Variants in CSMD1 observed in about 807,000 individuals in gnomAD.
The protein encoded by CSMD1 is CUB and Sushi multiple domains 1.
A neutral mutation model predicts 417.5 loss-of-function variants in CSMD1; 213 were observed. That is an observed-to-expected ratio of 0.51 (90% CI 0.46 to 0.57). The LOEUF (loss-of-function observed/expected upper bound fraction) is 0.57, where lower values mean the gene tolerates loss of function less well. Ranked by LOEUF, CSMD1 falls within the 20% of genes least tolerant of loss-of-function variation. CSMD1 has a pLI of 0.00. For missense variants in CSMD1, 6,923 were observed against 4,529.7 expected (o/e 1.53, Z -15.17); for synonymous variants, 2,862 against 1,736.8 (o/e 1.65, Z -16.11).
Position 4,285,329 on chromosome 8 carries a change from T to C in CSMD1, c.415+134624A>G, listed in dbSNP as rs1585158648. Among the ~76,000 whole-genome samples, 6 of 152,206 alleles carry C rather than the reference T, an allele frequency of 3.9e-5. No homozygotes were observed. In the South Asian group the frequency reaches 1.2e-3, roughly 31 times the overall value. On this transcript the variant is annotated intron_variant, in intron 3 of 69. Transcript: ENST00000635120. ...TGAAGCCATGTGCAGTCCTTTACTT[T>C]ATATTTCATTTAGAACTCCCATCTG...
At chr8:4,445,405 T>C (rs1215420995) in intron 2 of CSMD1, among the ~76,000 whole-genome samples, 1 of 152,218 alleles carries the variant, frequency 6.6e-6, no homozygotes, top group African/African-American at 2.4e-5. Flanking sequence ...TTTTGGATTA[T>C]TCTAATACTA....
At chr8:4,309,851 C>A (rs1288111754) in intron 3 of CSMD1, among the ~76,000 whole-genome samples, 2 of 152,260 alleles carry the variant, frequency 1.3e-5, no homozygotes, top group Non-Finnish European at 2.9e-5. Flanking sequence ...TGAGTATTTT[C>A]TCTGCAGACA....
At chr8:3,285,161 G>A (rs1027043511) in intron 25 of CSMD1, among the ~76,000 whole-genome samples, 2 of 152,138 alleles carry the variant, frequency 1.3e-5, no homozygotes, top group African/African-American at 4.8e-5. Context: ...CCGATTACAA[G>A]GGAGGTAAAG....
chr8:4,000,765 T>G (rs919544056), intron 4 of CSMD1, among the ~76,000 whole-genome samples: 1 of 152,012 alleles, frequency 6.6e-6, no homozygotes, highest in Non-Finnish European at 1.5e-5. Flanking sequence ...TATTTAGATT[T>G]TATTCTTTTC....
At position 3,205,617 on chromosome 8, in the gene CSMD1, G is replaced by A. The variant is rs1273200499; in HGVS notation, c.4871C>T (p.Pro1624Leu). 1 of 1,510,750 alleles carries A rather than the reference G, an allele frequency of 6.6e-7. No individual in the cohort carries two copies. Among genetic ancestry groups the A allele is most frequent in the Non-Finnish European group, 9.0e-7 (1 of 1,106,164 alleles). The allele number at this position is 1,510,750 out of a possible 1,614,324, so 93.6% of individuals were successfully genotyped here. ...TGATCCCGTGTACTGGCCTCCACAG[G>A]GAGCTGAAAATAAAATCAACCGAGA... ...WDQVLPSCNA[P>L]CGGQYTGSEG... The change falls in exon 31 of 70, where the codon CCC becomes CTC. Residue 1624 changes from proline (P) to leucine (L), a missense_variant. Pro to Leu is a moderately conservative substitution (Grantham distance 98, BLOSUM62 -3). Coordinates refer to ENST00000635120, the MANE Select transcript of CSMD1 (RefSeq NM_033225.6).
intron 10 of CSMD1, among the ~76,000 whole-genome samples, chr8:3,554,106 T>A (rs771816199): frequency 1.3e-5 from 2 of 152,236 alleles, no homozygotes; most frequent in Admixed American, 1.3e-4. Context: ...ATGACTGTAT[T>A]TAATGCATGT....
At chr8:4,074,976 A>G (rs1340421320) in intron 3 of CSMD1, among the ~76,000 whole-genome samples, 1 of 152,266 alleles carries the variant, frequency 6.6e-6, no homozygotes, top group Non-Finnish European at 1.5e-5. Context: ...TGCCTTCCCT[A>G]ATGGGATATG....
rs80218887 is a variant in CSMD1 at position 3,769,055 on chromosome 8, A to G, written c.819-15013T>C. On this transcript the variant is annotated intron_variant, in intron 5 of 69. Coordinates refer to ENST00000635120, the MANE Select transcript of CSMD1 (RefSeq NM_033225.6). ...TTTGGACAGGCAGGTGTGTTTGGTT[A>G]GAAAGTCAGTCAGGAAAAGTCAGAG... Among the ~76,000 whole-genome samples, 135 of 152,366 alleles carry G rather than the reference A, an allele frequency of 8.9e-4. 2 individuals carry two copies. The East Asian group carries it at 0.024, about 27-fold the overall frequency.
chr8:4,384,473 C>A (rs926322629), intron 3 of CSMD1, among the ~76,000 whole-genome samples: 1 of 152,184 alleles, frequency 6.6e-6, no homozygotes, highest in Admixed American at 6.5e-5. Context: ...CTTCTTCTAT[C>A]TACTATCTAT....
rs551605945 is a variant in CSMD1, at chr8:4,519,669, G to A, written c.303-99604C>T. Among the ~76,000 whole-genome samples, 6 of 138,410 alleles carry A rather than the reference G, an allele frequency of 4.3e-5. No homozygotes were observed. In the East Asian group the frequency reaches 1.4e-3, roughly 32 times the overall value. 90.8% of individuals were successfully genotyped at this position (138,410 alleles called of 152,430 possible). ...GAGGCAGGAGGATCACTTGAACCCA[G>A]GAGGCAGAGGTTACAGTGAGCTGCG... On this transcript the variant is annotated intron_variant, in intron 2 of 69. Transcript: ENST00000635120.
At chr8:4,209,008 G>A (rs1051632908) in intron 3 of CSMD1, among the ~76,000 whole-genome samples, 1 of 152,156 alleles carries the variant, frequency 6.6e-6, no homozygotes, top group Non-Finnish European at 1.5e-5. Flanking sequence ...CTTATGCCGT[G>A]AACCATAATG....
chr8:4,769,305 G>C (rs1003500505), intron 1 of CSMD1, among the ~76,000 whole-genome samples: 4 of 152,142 alleles, frequency 2.6e-5, no homozygotes, highest in African/African-American at 9.7e-5. Flanking sequence ...ATCTTTCTCA[G>C]TGTGATTAAT....
chr8:3,657,979 A>G lies in CSMD1; in HGVS notation c.1010-41182T>C, dbSNP rs181628238. ...TTGATTAATGGTAAATACATCAAAT[A>G]TATTCTATAAAGAGAAGTTTGGGAT... On this transcript the variant is annotated intron_variant, in intron 7 of 69. Transcript: ENST00000635120. Among the ~76,000 whole-genome samples the G allele has an allele frequency of 2.2e-3, 340 of 152,286 alleles. 3 individuals are homozygous for G. Among genetic ancestry groups the G allele is most frequent in the African/African-American group, 7.8e-3 (324 of 41,552 alleles).
intron 5 of CSMD1, among the ~76,000 whole-genome samples, chr8:3,979,769 G>T (rs986704546): frequency 6.6e-6 from 1 of 152,184 alleles, no homozygotes; most frequent in Admixed American, 6.5e-5. Flanking sequence ...AAATAAGTGT[G>T]TGTTATTTAA....
chr8:3,193,416 G>A (rs1473811686), intron 33 of CSMD1, among the ~76,000 whole-genome samples: 1 of 152,130 alleles, frequency 6.6e-6, no homozygotes, highest in African/African-American at 2.4e-5. Flanking sequence ...TAGGGAGGCA[G>A]GGAGAAGCTG....
intron 7 of CSMD1, among the ~76,000 whole-genome samples, chr8:3,692,724 C>A (rs1447446666): frequency 3.3e-5 from 5 of 152,248 alleles, no homozygotes; most frequent in Admixed American, 1.3e-4. Flanking sequence ...TAAGCCACCA[C>A]GCCTGGCCAC....
At chr8:4,064,383 T>C (rs1799135397) in intron 3 of CSMD1, among the ~76,000 whole-genome samples, 1 of 152,218 alleles carries the variant, frequency 6.6e-6, no homozygotes, top group Non-Finnish European at 1.5e-5. Context: ...TCTGCAGTTG[T>C]TTTCTCCCTC....
intron 5 of CSMD1, among the ~76,000 whole-genome samples, chr8:3,767,559 AT>A (rs1353321594): frequency 2.0e-5 from 3 of 152,190 alleles, no homozygotes; most frequent in African/African-American, 7.2e-5. Context: ...TCCAAAGCTG[AT>A]TGCTGACCTT....
chr8:3,892,353 T>G (rs1024609524), intron 5 of CSMD1, among the ~76,000 whole-genome samples: 6 of 152,124 alleles, frequency 3.9e-5, no homozygotes, highest in African/African-American at 1.4e-4. Context: ...AGAAGACGTG[T>G]GGGGAACGTA....
Sources: allele counts gnomAD v4.1 joint callset (sites outside exome capture counted in the v4.1 genomes callset), GRCh38; gene constraint gnomAD v4.1.1; transcripts MANE v1.5; gene names NCBI Gene and HGNC (gene_info 2026-07-23, HGNC 2026-07-21).